The following TM7SF3 variants were observed in gnomAD, a reference collection of about 807,000 sequenced individuals.
The protein encoded by TM7SF3 is transmembrane 7 superfamily member 3.
Under a neutral mutation model 65.5 loss-of-function variants are expected in TM7SF3, and 60 were observed. The observed-to-expected ratio is 0.92, with a 90% CI of 0.74 to 1.14. The LOEUF (loss-of-function observed/expected upper bound fraction) is 1.14, where lower values mean the gene tolerates loss of function less well. TM7SF3 is among the 50% of genes most tolerant of loss of function. TM7SF3 has a pLI of 0.00. For missense variants in TM7SF3, 623 were observed against 684.8 expected, an observed-to-expected ratio of 0.91 and a Z score of 1.01; for synonymous variants, 264 against 259.6, an observed-to-expected ratio of 1.02 and a Z score of -0.16.
chr12:26,994,458 T>C lies in TM7SF3; in HGVS notation c.690+779A>G, dbSNP rs182943852. 9.5e-4 allele frequency among the ~76,000 whole-genome samples: 145 copies of C among 152,340 alleles called. 1 individual carries two copies. Among genetic ancestry groups the C allele is most frequent in the South Asian group, 1.2e-3 (6 of 4,834 alleles). Reference sequence around the variant, plus strand: ...ACCTCCTGGGTTCAAACAATTCTCCTGCCTCAGCCTCCCAAGTAGCTGGTA... The same window carrying C: ...ACCTCCTGGGTTCAAACAATTCTCCCGCCTCAGCCTCCCAAGTAGCTGGTA... On this transcript the variant is annotated intron_variant, in intron 5 of 11. Coordinates refer to ENST00000343028, the MANE Select transcript of TM7SF3 (RefSeq NM_016551.3).
chr12:26,996,670 G>A (rs1940609407), intron 4 of TM7SF3, 72 bp downstream of exon 4: 1 of 1,478,952 alleles, frequency 6.8e-7, no homozygotes, highest in African/African-American at 1.4e-5. Flanking sequence ...ACTTGAGAGA[G>A]CTGGTCAAAT....
chr12:26,976,856 C>T (rs1939588479), intron 9 of TM7SF3, among the ~76,000 whole-genome samples: 3 of 152,196 alleles, frequency 2.0e-5, no homozygotes, highest in Admixed American at 2.0e-4. Context: ...AAAGCATGTC[C>T]TGTCATGCCA....
chr12:27,000,694 C>T (rs982084224), intron 2 of TM7SF3, among the ~76,000 whole-genome samples: 1 of 152,184 alleles, frequency 6.6e-6, no homozygotes, highest in Non-Finnish European at 1.5e-5. Flanking sequence ...CTCCTGACCT[C>T]GTGATCCGCC....
chr12:26,986,064 G>A (rs1425307706), intron 6 of TM7SF3, among the ~76,000 whole-genome samples: 11 of 151,344 alleles, frequency 7.3e-5, no homozygotes, highest in Admixed American at 2.6e-4. Context: ...TCCTGACCTC[G>A]TGATCCGCCC....
chr12:27,013,061 C>T (rs1413369105), intron 1 of TM7SF3: 2 of 170,930 alleles, frequency 1.2e-5, no homozygotes, highest in African/African-American at 4.8e-5. Context: ...GAGCCAAGCC[C>T]GGGCATGTTG....
Position 26,973,838 on chromosome 12 carries a change from G to T in TM7SF3, c.*127C>A. 2 of 1,192,296 alleles carry T rather than the reference G, an allele frequency of 1.7e-6. No homozygotes were observed. Among genetic ancestry groups the T allele is most frequent in the Non-Finnish European group, 2.3e-6 (2 of 855,362 alleles). The allele number at this position is 1,192,296 out of a possible 1,614,324, so 73.9% of individuals were successfully genotyped here. ...ACACCCTTACCATATATCAATAAGG[G>T]CACCATAATATTATGCAAAGAACAG... is the stretch of plus-strand genomic sequence containing the variant. On this transcript the variant is annotated 3_prime_UTR_variant, in exon 12 of 12. Coordinates refer to ENST00000343028, the MANE Select transcript of TM7SF3 (RefSeq NM_016551.3).
intron 5 of TM7SF3, among the ~76,000 whole-genome samples, chr12:26,991,198 T>G (rs1940347729): frequency 7.0e-6 from 1 of 142,990 alleles, no homozygotes. Context: ...CAGGCCGGAC[T>G]GCGGACTGCA....
intron 9 of TM7SF3, chr12:26,979,239 T>G (rs149024594): frequency 1.3e-5 from 2 of 152,390 alleles, no homozygotes; most frequent in Non-Finnish European, 2.9e-5. Flanking sequence ...AATCAGGAAA[T>G]GTAAGTTATT....
chr12:26,983,756 ATACACAAAT>A (rs1939920275), intron 6 of TM7SF3, among the ~76,000 whole-genome samples: 1 of 152,242 alleles, frequency 6.6e-6, no homozygotes, highest in Non-Finnish European at 1.5e-5. Flanking sequence ...TTTATTACAC[ATACACAAAT>A]TACTACCAGT....
chr12:27,001,009 A>G (rs1216728739), intron 2 of TM7SF3, among the ~76,000 whole-genome samples: 1 of 152,124 alleles, frequency 6.6e-6, no homozygotes, highest in Non-Finnish European at 1.5e-5. Flanking sequence ...AAGGTAGCAG[A>G]GTAGTTTCAA....
intron 4 of TM7SF3, 55 bp downstream of exon 4, chr12:26,996,687 A>C: frequency 6.5e-7 from 1 of 1,548,556 alleles, no homozygotes; most frequent in Non-Finnish European, 8.7e-7. Flanking sequence ...AAATCTACAC[A>C]ACTGTCGTCA....
chr12:26,989,481 G>A (rs1393383725), intron 6 of TM7SF3, among the ~76,000 whole-genome samples: 2 of 151,040 alleles, frequency 1.3e-5, no homozygotes, highest in African/African-American at 4.9e-5. Context: ...AACTGCACAG[G>A]AGTCGGCTCC....
At chr12:26,978,522 C>T (rs1022240007) in intron 9 of TM7SF3, 3 of 152,230 alleles carry the variant, frequency 2.0e-5, no homozygotes, top group African/African-American at 7.2e-5. Flanking sequence ...TCCCTCCATC[C>T]TCTAAGCATT....
intron 6 of TM7SF3, among the ~76,000 whole-genome samples, chr12:26,988,672 T>TTTGTG (rs1032405985): frequency 6.8e-6 from 1 of 146,228 alleles, no homozygotes; most frequent in Non-Finnish European, 1.5e-5. Context: ...GAGAAGAAAA[T>TTTGTG]TGTGTGTGTG....
At chr12:26,982,657 C>G (rs61923404) in intron 7 of TM7SF3, 116 bp downstream of exon 7, 1 of 659,698 alleles carries the variant, frequency 1.5e-6, no homozygotes, top group East Asian at 3.0e-5. Context: ...AAGACCCCAG[C>G]TACAAATCTA....
At chr12:27,001,585 T>C (rs924654298) in intron 2 of TM7SF3, among the ~76,000 whole-genome samples, 5 of 152,186 alleles carry the variant, frequency 3.3e-5, no homozygotes, top group Non-Finnish European at 7.3e-5. Flanking sequence ...GCCTAGGACA[T>C]AGCAGGCGTT....
chr12:26,990,824 C>T (rs1397374163), intron 5 of TM7SF3, among the ~76,000 whole-genome samples, 197 bp from the exon 6 acceptor site: 2 of 152,274 alleles, frequency 1.3e-5, no homozygotes, highest in East Asian at 3.9e-4. Context: ...AGCTCTCACA[C>T]AAAATGCTTC....
rs974771863 is a variant in TM7SF3 at position 26,972,957 on chromosome 12, T to C, written c.*1008A>G. ...TATTTTCAAATAATAATTTAGCTAT[T>C]TCAATTACCATTTTAAGCAATAAAA... On this transcript the variant is annotated 3_prime_UTR_variant, in exon 12 of 12. Transcript: ENST00000343028. 6.6e-5 allele frequency among the ~76,000 whole-genome samples: 10 copies of C among 152,252 alleles called. No individual in the cohort carries two copies. Among genetic ancestry groups the C allele is most frequent in the Non-Finnish European group, 1.5e-4 (10 of 68,022 alleles).
intron 1 of TM7SF3, among the ~76,000 whole-genome samples, chr12:27,011,090 C>T (rs966655304): frequency 6.6e-6 from 1 of 152,162 alleles, no homozygotes; most frequent in Non-Finnish European, 1.5e-5. Flanking sequence ...AGCAGTCAAC[C>T]GCCCCTCCCA....
Sources: gnomAD v4.1 joint callset for allele counts (sites outside exome capture counted in the v4.1 genomes callset) on GRCh38, gnomAD v4.1.1 for gene constraint, MANE v1.5 for transcripts, NCBI Gene and HGNC (gene_info 2026-07-23, HGNC 2026-07-21) for gene names.